Variants in FAM98A observed in about 807,000 individuals in gnomAD.
The protein encoded by FAM98A is tRNA splicing ligase complex subunit 3A, also known as protein FAM98A.
Under a neutral mutation model 62.9 loss-of-function variants are expected in FAM98A, and 25 were observed. That is an observed-to-expected ratio of 0.40 (90% confidence interval 0.29 to 0.56). FAM98A has a LOEUF of 0.56. Among genes scored for constraint, FAM98A ranks in the 20% least tolerant of loss-of-function variants. The pLI, the probability that FAM98A is intolerant of heterozygous loss-of-function variation, is 0.51. For missense variants in FAM98A, 653 were observed against 640.7 expected, an observed-to-expected ratio of 1.02 and a Z score of -0.21; for synonymous variants, 252 against 228.6, an observed-to-expected ratio of 1.10 and a Z score of -0.92.
At chr2:33,597,288 G>T (rs999427207) in intron 1 of FAM98A, among the ~76,000 whole-genome samples, 3 of 152,064 alleles carry the variant, frequency 2.0e-5, no homozygotes, top group Non-Finnish European at 4.4e-5. Context: ...GAGGCTAGGA[G>T]TTCGAGACCA....
At chr2:33,586,492 G>T in intron 6 of FAM98A, 70 bp downstream of exon 6, 2 of 1,027,764 alleles carry the variant, frequency 1.9e-6, no homozygotes, top group Non-Finnish European at 3.0e-6. Context: ...TTGCCAAGTA[G>T]CTAAATTGTT....
chr2:33,587,179 A>G, intron 5 of FAM98A, 61 bp downstream of exon 5: 1 of 1,029,040 alleles, frequency 9.7e-7, no homozygotes. Flanking sequence ...GTAAGTGTTG[A>G]CATGAAAATC....
intron 3 of FAM98A, among the ~76,000 whole-genome samples, chr2:33,591,220 A>G (rs1414371959): frequency 2.0e-5 from 3 of 151,626 alleles, no homozygotes; most frequent in Admixed American, 1.3e-4. Flanking sequence ...ACAGAACCTT[A>G]AAAACTGAAG....
rs753717741 is a variant in FAM98A at position 33,585,129 on chromosome 2, A to C, written c.1204T>G (p.Ser402Ala). The change falls in exon 8 of 8, where the codon TCA becomes GCA. Residue 402 changes from serine to alanine, a missense_variant. Coordinates refer to ENST00000238823, the MANE Select transcript of FAM98A (RefSeq NM_015475.5). ...TGATAGCCACCTGGCTGGAAACCTG[A>C]ATCTCGATAACCACCATCTTGGTAG... ...GGYQDGGYRD[S>A]GFQPGGYHGG... The C allele has an allele frequency of 5.6e-6, 9 of 1,613,896 alleles. No homozygotes were observed. Among genetic ancestry groups the C allele is most frequent in the South Asian group, 3.3e-5 (3 of 91,056 alleles).
chr2:33,585,604 T>A lies in FAM98A; in HGVS notation c.814A>T (p.Arg272Trp). The A allele has an allele frequency of 6.2e-7, 1 of 1,614,204 alleles. No individual in the cohort carries two copies. The highest frequency in any genetic ancestry group is 2.2e-5 in the East Asian group (1 of 44,888). ...CTTAAAATCTTTGACAAGTCCTGCC[T>A]TGCAGCCAAAAGATGGGCAACAGAA... is the stretch of plus-strand genomic sequence containing the variant. ...TISVAHLLAA[R>W]QDLSKILRTS... Residue 272 changes from arginine (R) to tryptophan (W), a missense_variant, in exon 7 of 8, where the codon AGG becomes TGG. Arg to Trp is a moderately radical substitution (Grantham distance 101). Transcript: ENST00000238823.
Position 33,585,314 on chromosome 2 carries a change from C to G in FAM98A, c.1019G>C (p.Arg340Thr), listed in dbSNP as rs762469723. 2 of 1,614,142 alleles carry G rather than the reference C, an allele frequency of 1.2e-6. No homozygotes were observed. Among genetic ancestry groups the G allele is most frequent in the South Asian group, 2.2e-5 (2 of 91,078 alleles). ...QQQTGGRGGG[R>T]GGYEHSSYGG... Reference sequence around the variant, plus strand: ...GTATGAGGAATGTTCATAGCCACCTCTCCCTCCTCCTCGGCCTCCTGTTTG... The same window carrying G: ...GTATGAGGAATGTTCATAGCCACCTGTCCCTCCTCCTCGGCCTCCTGTTTG... The change falls in exon 8 of 8, where the codon AGA becomes ACA. Residue 340 changes from arginine (R) to threonine (T), a missense_variant. Transcript: ENST00000238823.
chr2:33,595,375 A>T (rs1222161819), intron 2 of FAM98A, 114 bp downstream of exon 2: 6 of 906,810 alleles, frequency 6.6e-6, no homozygotes, highest in East Asian at 3.2e-5. Flanking sequence ...TTCTTTACAA[A>T]TTTTTTACAT....
chr2:33,585,613 A>G lies in FAM98A; in HGVS notation c.805T>C (p.Leu269=). 1 of 1,614,192 alleles carries G rather than the reference A, an allele frequency of 6.2e-7. No individual in the cohort carries two copies. Among genetic ancestry groups the G allele is most frequent in the East Asian group, 2.2e-5 (1 of 44,882 alleles). ...PKTTISVAHL[L]AARQDLSKIL... ...TTTGACAAGTCCTGCCTTGCAGCCA[A>G]AAGATGGGCAACAGAAATAGTAGTT... Residue 269 remains leucine (L), a synonymous_variant, in exon 7 of 8, where the codon TTG becomes CTG. Transcript: ENST00000238823.
In FAM98A at chr2:33,585,320, C is replaced by T. The variant is rs1432411798; in HGVS notation, c.1013G>A (p.Gly338Glu). ...GGAATGTTCATAGCCACCTCTCCCT[C>T]CTCCTCGGCCTCCTGTTTGCTGCTG... ...GPQQQTGGRG[G>E]GRGGYEHSSY... The change falls in exon 8 of 8, where the codon GGA (glycine) becomes GAA (glutamate). Residue 338 changes from glycine (G) to glutamate (E), a missense_variant. Transcript: ENST00000238823. The T allele has an allele frequency of 6.2e-7, 1 of 1,614,194 alleles. No homozygotes were observed. The highest frequency in any genetic ancestry group is 1.7e-5 in the Admixed American group (1 of 60,024).
chr2:33,590,276 T>G (rs1219285438), intron 3 of FAM98A, among the ~76,000 whole-genome samples: 1 of 152,154 alleles, frequency 6.6e-6, no homozygotes, highest in East Asian at 1.9e-4. Flanking sequence ...ATCTGATACA[T>G]GAGAGCTTTT....
chr2:33,592,948 C>T (rs990379730), intron 2 of FAM98A, among the ~76,000 whole-genome samples: 1 of 152,170 alleles, frequency 6.6e-6, no homozygotes, highest in African/African-American at 2.4e-5. Flanking sequence ...TTCCCTGTGA[C>T]AGATATGTCC....
Position 33,585,536 on chromosome 2 carries a change from G to A in FAM98A, c.882C>T (p.Ile294=). 1 of 1,614,166 alleles carries A rather than the reference G, an allele frequency of 6.2e-7. No individual in the cohort carries two copies. Among genetic ancestry groups the A allele is most frequent in the Non-Finnish European group, 8.5e-7 (1 of 1,180,024 alleles). The change falls in exon 7 of 8, where the codon ATC becomes ATT. Residue 294 remains isoleucine (I), a synonymous_variant. Transcript: ENST00000238823. ...TTAAAGGTACTCTAATCACCTTATT[G>A]ATGGCACAGGCAGTCTTTTCTCTTA... ...GSIREKTACA[I]NKVLMGRVPD...
chr2:33,595,656 C>A lies in FAM98A; in HGVS notation c.54-19G>T. The A allele has an allele frequency of 6.4e-7, 1 of 1,559,694 alleles. No homozygotes were observed. The highest frequency in any genetic ancestry group is 1.2e-5 in the South Asian group (1 of 81,950). On this transcript the variant is annotated intron_variant, in intron 1 of 7. Coordinates refer to ENST00000238823, the MANE Select transcript of FAM98A (RefSeq NM_015475.5). ...CTTGTAACTGGTGAGCAAGAAATTA[C>A]ATTTCAGAAGAAAATACAATCATAC...
At chr2:33,586,775 T>TTTAA in intron 5 of FAM98A, 97 bp from the exon 6 acceptor site, 3 of 733,590 alleles carry the variant, frequency 4.1e-6, no homozygotes, top group Admixed American at 2.2e-5. Flanking sequence ...ATAACTGAGA[T>TTTAA]CCCGGCCATT....
Position 33,599,285 on chromosome 2 carries a change from C to G in FAM98A, c.-64G>C, listed in dbSNP as rs1240478519. On this transcript the variant is annotated 5_prime_UTR_variant, in exon 1 of 8. Transcript: ENST00000238823. ...CCTCTTCGCCGGCAACGCGTACACT[C>G]GCGCATGCGCGACTTCCCCGGAACT... 5.2e-6 allele frequency: 7 copies of G among 1,358,022 alleles called. No homozygotes were observed. Among genetic ancestry groups the G allele is most frequent in the Admixed American group, 1.7e-5 (1 of 59,648 alleles). 84.1% of individuals were successfully genotyped at this position (1,358,022 alleles called of 1,614,324 possible).
Position 33,585,263 on chromosome 2 carries a change from C to T in FAM98A, c.1070G>A (p.Gly357Glu), listed in dbSNP as rs1677518297. The T allele has an allele frequency of 1.2e-6, 2 of 1,614,130 alleles. No individual in the cohort carries two copies. The highest frequency in any genetic ancestry group is 1.7e-6 in the Non-Finnish European group (2 of 1,180,036). Residue 357 changes from glycine to glutamate, a missense_variant, in exon 8 of 8, where the codon GGA becomes GAA. Physicochemically the swap from Gly to Glu is moderately conservative, Grantham distance 98. Transcript: ENST00000238823. Reference sequence around the variant, plus strand: ...GCCACCACGTCCACCTCTCCCGCCTCCTTGTTCATGACCTCCTCGTCCTCC... The same window carrying T: ...GCCACCACGTCCACCTCTCCCGCCTTCTTGTTCATGACCTCCTCGTCCTCC... ...SYGGRGGHEQ[G>E]GGRGGRGGYD... is the part of the protein sequence containing the mutation.
intron 2 of FAM98A, among the ~76,000 whole-genome samples, chr2:33,593,581 C>T (rs1001313528): frequency 6.6e-6 from 1 of 152,198 alleles, no homozygotes; most frequent in African/African-American, 2.4e-5. Flanking sequence ...GCTCTTTCTT[C>T]ATTATTTTGA....
At chr2:33,597,514 G>C (rs1445837053) in intron 1 of FAM98A, among the ~76,000 whole-genome samples, 1 of 151,962 alleles carries the variant, frequency 6.6e-6, no homozygotes, top group Non-Finnish European at 1.5e-5. Flanking sequence ...TCTATGTCAA[G>C]TAGTTATGTG....
chr2:33,596,740 A>T (rs1677821317), intron 1 of FAM98A, among the ~76,000 whole-genome samples: 1 of 151,966 alleles, frequency 6.6e-6, no homozygotes. Context: ...AAATACAAAA[A>T]AATTAACCAG....
Sources: allele counts gnomAD v4.1 joint callset (sites outside exome capture counted in the v4.1 genomes callset), GRCh38; gene constraint gnomAD v4.1.1; transcripts MANE v1.5; gene names NCBI Gene and HGNC (gene_info 2026-07-23, HGNC 2026-07-21).